The following SHFL variants were observed in gnomAD, a reference collection of about 807,000 sequenced individuals.
SHFL encodes shiftless antiviral inhibitor of ribosomal frameshifting.
SHFL carries 12 observed loss-of-function variants against 34.7 expected under a neutral mutation model. The observed-to-expected ratio is 0.35, with a 90% CI of 0.22 to 0.56. The LOEUF (loss-of-function observed/expected upper bound fraction) is 0.56. Ranked by LOEUF, SHFL falls within the 20% of genes least tolerant of loss-of-function variation. The probability of loss-of-function intolerance (pLI) is 0.88; values close to 1 mark genes in which losing one functional copy is unlikely to be tolerated. For missense variants in SHFL, 278 were observed against 411.1 expected (o/e 0.68, Z 2.80); for synonymous variants, 148 against 156.0 (o/e 0.95, Z 0.38).
chr19:10,092,484 C>A lies in SHFL; in HGVS notation c.*182C>A. 6.6e-7 allele frequency: 1 copy of A among 1,520,892 alleles called. No individual in the cohort carries two copies. Among genetic ancestry groups the A allele is most frequent in the Non-Finnish European group, 8.9e-7 (1 of 1,128,744 alleles). 94.2% of individuals were successfully genotyped at this position (1,520,892 alleles called of 1,614,324 possible). ...GGTCACAGATCCACAGTGGGAAGTT[C>A]TGTGGGACACATTGGCACTGAGCCA... On this transcript the variant is annotated 3_prime_UTR_variant, in exon 8 of 8. Transcript: ENST00000253110.
Position 10,091,969 on chromosome 19 carries a change from G to C in SHFL, c.644-101G>C. 2 of 1,424,220 alleles carry C rather than the reference G, an allele frequency of 1.4e-6. No homozygotes were observed. The highest frequency in any genetic ancestry group is 1.9e-6 in the Non-Finnish European group (2 of 1,041,730). 88.2% of individuals were successfully genotyped at this position (1,424,220 alleles called of 1,614,324 possible). Reference sequence around the variant, plus strand: ...GTTGTGCTGGTCCCCGTATCTGGTGGTCTCAGCTCCTCCCTAGAGCCCCGC... The same window carrying C: ...GTTGTGCTGGTCCCCGTATCTGGTGCTCTCAGCTCCTCCCTAGAGCCCCGC... On this transcript the variant is annotated intron_variant, in intron 7 of 7. Transcript: ENST00000253110. The surrounding 1 kb of genome is among the most constrained non-coding windows in gnomAD (Gnocchi z 8.2).
intron 4 of SHFL, 24 bp downstream of exon 4, chr19:10,089,719 G>T (rs748477661): frequency 1.9e-6 from 3 of 1,591,480 alleles, no homozygotes; most frequent in Admixed American, 1.8e-5. Context: ...TAGGGCTTGG[G>T]ATGGGGGAGT....
intron 5 of SHFL, 187 bp downstream of exon 5, chr19:10,090,234 A>C: frequency 4.6e-6 from 3 of 653,904 alleles, no homozygotes; most frequent in Non-Finnish European, 7.8e-6. Flanking sequence ...TTCTGACCTT[A>C]AATGTGAGAA....
chr19:10,087,710 T>C (rs1438406844), intron 3 of SHFL: 1 of 217,784 alleles, frequency 4.6e-6, no homozygotes, highest in South Asian at 5.9e-5. Context: ...GGGAATGGCA[T>C]AAGCAAAGGC....
Position 10,092,425 on chromosome 19 carries a change from G to A in SHFL, c.*123G>A. On this transcript the variant is annotated 3_prime_UTR_variant, in exon 8 of 8. Coordinates refer to ENST00000253110, the MANE Select transcript of SHFL (RefSeq NM_018381.4). ...GCCATCTGAGGCCAAGATATTGACG[G>A]GGGGGATTCCTGGGTCCCATTTTCA... 1 of 1,517,604 alleles carries A rather than the reference G, an allele frequency of 6.6e-7. No individual in the cohort carries two copies. The allele number at this position is 1,517,604 out of a possible 1,614,324, so 94.0% of individuals were successfully genotyped here. A position where few individuals can be genotyped will look rare whatever the true frequency, so the allele number is the denominator to read the frequency against.
In SHFL at chr19:10,086,590, C is replaced by G. The variant is rs1396197492; in HGVS notation, c.21+142C>G. 2 of 858,986 alleles carry G rather than the reference C, an allele frequency of 2.3e-6. No homozygotes were observed. Among genetic ancestry groups the G allele is most frequent in the Non-Finnish European group, 3.3e-6 (2 of 615,228 alleles). The allele number at this position is 858,986 out of a possible 1,614,324, so 53.2% of individuals were successfully genotyped here. On this transcript the variant is annotated intron_variant, in intron 1 of 7. Coordinates refer to ENST00000253110, the MANE Select transcript of SHFL (RefSeq NM_018381.4). This position sits in a 1 kb window ranked among gnomAD's most constrained non-coding sequence, Gnocchi z 5.2. ...TTACCCCTGCCTGGCGCTCGCCCCCCTTGAAAAGGAAAGTGACTCCCACGT... is the reference window on the plus strand; with the variant it reads ...TTACCCCTGCCTGGCGCTCGCCCCCGTTGAAAAGGAAAGTGACTCCCACGT...
Position 10,092,560 on chromosome 19 carries a change from T to G in SHFL, c.*258T>G. The G allele has an allele frequency of 1.3e-6, 2 of 1,577,798 alleles. No homozygotes were observed. Among genetic ancestry groups the G allele is most frequent in the Non-Finnish European group, 1.7e-6 (2 of 1,157,822 alleles). ...TGGGCTCCTGCTGACCAATGTCCTC[T>G]AGGGCCTAGGGGACAGAGGAACACA... is the stretch of plus-strand genomic sequence containing the variant. On this transcript the variant is annotated 3_prime_UTR_variant, in exon 8 of 8. Coordinates refer to ENST00000253110, the MANE Select transcript of SHFL (RefSeq NM_018381.4).
chr19:10,089,334 G>A lies in SHFL; in HGVS notation c.196-323G>A, dbSNP rs764846083. 4.4e-6 allele frequency: 7 copies of A among 1,598,330 alleles called. No homozygotes were observed. In the East Asian group the frequency reaches 1.3e-4, roughly 31 times the overall value. On this transcript the variant is annotated intron_variant, in intron 3 of 7. Coordinates refer to ENST00000253110, the MANE Select transcript of SHFL (RefSeq NM_018381.4). ...GAGCACAACGTGGCCTCAAAGGGGC[G>A]ATATGTCACAACATCAACAAGCATG...
chr19:10,087,363 C>T (rs1188458431), intron 3 of SHFL, 63 bp downstream of exon 3: 6 of 1,584,424 alleles, frequency 3.8e-6, no homozygotes, highest in Non-Finnish European at 5.2e-6. Context: ...AGGGGGGACC[C>T]GACCCGTTCA....
rs1441497179 is a variant in SHFL, at chr19:10,087,240, C to T, written c.146-11C>T. 1 of 1,613,904 alleles carries T rather than the reference C, an allele frequency of 6.2e-7. No individual in the cohort carries two copies. The highest frequency in any genetic ancestry group is 8.5e-7 in the Non-Finnish European group (1 of 1,179,876). On this transcript the variant is annotated splice_polypyrimidine_tract_variant and intron_variant, in intron 2 of 7. Transcript: ENST00000253110. ...CAAGGGCCCTTCCCTTATATGCACT[C>T]TCCCCCGCAGGGGTAAAGCAAAAAG...
At position 10,088,943 on chromosome 19, in the gene SHFL, G is replaced by A. The variant is rs956274804; in HGVS notation, c.196-714G>A. On this transcript the variant is annotated intron_variant, in intron 3 of 7. Coordinates refer to ENST00000253110, the MANE Select transcript of SHFL (RefSeq NM_018381.4). Reference sequence around the variant, plus strand: ...GCCTGGGAGACAAGAGCGAAACTCCGTCTCAAAAATATAATAATAATAATA... The same window carrying A: ...GCCTGGGAGACAAGAGCGAAACTCCATCTCAAAAATATAATAATAATAATA... 45 of 137,946 alleles carry A rather than the reference G, an allele frequency of 3.3e-4. 1 individual carries two copies. Among genetic ancestry groups the A allele is most frequent in the African/African-American group, 1.1e-3 (40 of 37,186 alleles). The allele number at this position is 137,946 out of a possible 1,614,324, so 8.5% of individuals were successfully genotyped here.
chr19:10,089,206 C>T, intron 3 of SHFL: 4 of 1,126,548 alleles, frequency 3.6e-6, no homozygotes, highest in Admixed American at 2.1e-5. Context: ...CTCTAACATG[C>T]CTGTCAGTGG....
chr19:10,087,712 A>G (rs529963611), intron 3 of SHFL: 1 of 218,524 alleles, frequency 4.6e-6, no homozygotes, highest in Admixed American at 5.4e-5. Flanking sequence ...GAATGGCATA[A>G]GCAAAGGCTG....
rs757136201 is a variant in SHFL, at chr19:10,092,113, G to C, written c.687G>C (p.Arg229=). 1.2e-6 allele frequency: 2 copies of C among 1,613,760 alleles called. No individual in the cohort carries two copies. ...CATCCTGTGCTCACCCCAAGAGCCG[G>C]AAGCAGAACCACCTGCCCAAAGTGC... The part of the protein sequence containing the change: ...PGTSCAHPKS[R]KQNHLPKVLH... Residue 229 remains arginine (R), a synonymous_variant, in exon 8 of 8, where the codon CGG becomes CGC. Coordinates refer to ENST00000253110, the MANE Select transcript of SHFL (RefSeq NM_018381.4).
At chr19:10,089,021 T>C (rs2088336644) in intron 3 of SHFL, 1 of 343,920 alleles carries the variant, frequency 2.9e-6, no homozygotes, top group African/African-American at 2.2e-5. Context: ...CATTGAGTAC[T>C]TCCCACATGG....
At chr19:10,089,380 T>G (rs745947457) in intron 3 of SHFL, 1 of 1,598,600 alleles carries the variant, frequency 6.3e-7, no homozygotes, top group Non-Finnish European at 8.5e-7. Flanking sequence ...AGGCAGGAAG[T>G]GAGTATGGGG....
chr19:10,091,830 C>T lies in SHFL; in HGVS notation c.643+200C>T. ...CCAGTGGCCCGTGCCTGAGGGTCCC[C>T]ATGGCCTCTGCCCCCATGGTCTCTG... is the stretch of plus-strand genomic sequence containing the variant. On this transcript the variant is annotated intron_variant, in intron 7 of 7. Transcript: ENST00000253110. This position sits in a 1 kb window ranked among gnomAD's most constrained non-coding sequence, Gnocchi z 8.2. The T allele has an allele frequency of 1.1e-6, 1 of 917,978 alleles. No individual in the cohort carries two copies. The highest frequency in any genetic ancestry group is 1.6e-6 in the Non-Finnish European group (1 of 629,666). 56.9% of individuals were successfully genotyped at this position (917,978 alleles called of 1,614,324 possible).
In SHFL at chr19:10,093,017, C is replaced by T. The variant is rs1051055681; in HGVS notation, c.*715C>T. ...CAAAGTACAAGTCACATCTTTCCCACCTTTTCTGCAAACTAGGAGTCTACC... is the reference window on the plus strand; with the variant it reads ...CAAAGTACAAGTCACATCTTTCCCATCTTTTCTGCAAACTAGGAGTCTACC... On this transcript the variant is annotated 3_prime_UTR_variant, in exon 8 of 8. Transcript: ENST00000253110. 44 of 488,098 alleles carry T rather than the reference C, an allele frequency of 9.0e-5. No homozygotes were observed. Among genetic ancestry groups the T allele is most frequent in the Admixed American group, 2.9e-4 (8 of 27,212 alleles). 30.2% of individuals were successfully genotyped at this position (488,098 alleles called of 1,614,324 possible).
At position 10,086,939 on chromosome 19, in the gene SHFL, G is replaced by C; in HGVS notation, c.32G>C (p.Ser11Thr). The change falls in exon 2 of 8, where the codon AGC becomes ACC. Residue 11 changes from serine (S) to threonine (T), a missense_variant. Ser to Thr is a moderately conservative substitution (Grantham distance 58). Transcript: ENST00000253110. The surrounding 1 kb of genome is among the most constrained non-coding windows in gnomAD (Gnocchi z 5.2). ...CTGTCTCCATCCCAGCTGGAGAAGA[G>C]CGTCCGGCGCCTCCGGGAGAAGTTT... MSQEGVELEKSVRRLREKFHG... is the reference protein window; with the variant it reads MSQEGVELEKTVRRLREKFHG... 3 of 1,613,872 alleles carry C rather than the reference G, an allele frequency of 1.9e-6. No individual in the cohort carries two copies. The highest frequency in any genetic ancestry group is 2.5e-6 in the Non-Finnish European group (3 of 1,179,842).
Sources: allele counts gnomAD v4.1 joint callset, GRCh38; gene constraint gnomAD v4.1.1; non-coding constraint Gnocchi (gnomAD v3.1); transcripts MANE v1.5; gene names NCBI Gene and HGNC (gene_info 2026-07-23, HGNC 2026-07-21).